The following CBR4 variants were observed in gnomAD, a reference collection of about 807,000 sequenced individuals.
CBR4 encodes the protein 3-oxoacyl-[acyl-carrier-protein] reductase.
A neutral mutation model predicts 21.0 loss-of-function variants in CBR4; 22 were observed. The ratio of observed to expected loss-of-function variants is 1.05; its 90% CI spans 0.75 to 1.50. The LOEUF (loss-of-function observed/expected upper bound fraction) is 1.50. CBR4 is among the 40% of genes most tolerant of loss of function. The pLI, the probability that CBR4 is intolerant of heterozygous loss-of-function variation, is 0.00. For synonymous variants in CBR4, 100 were observed against 104.4 expected (o/e 0.96, Z 0.26); for missense variants, 302 against 286.3 (o/e 1.05, Z -0.40).
intron 2 of CBR4, among the ~76,000 whole-genome samples, chr4:168,940,470 C>G (rs1373293882): frequency 6.6e-6 from 1 of 152,098 alleles, no homozygotes; most frequent in African/African-American, 2.4e-5. Flanking sequence ...AGCTTCTGCA[C>G]AGCAAAATAA....
intron 2 of CBR4, among the ~76,000 whole-genome samples, chr4:168,977,230 A>G (rs1208269725): frequency 2.6e-5 from 4 of 152,198 alleles, no homozygotes; most frequent in Non-Finnish European, 5.9e-5. Context: ...CCACAAAAAC[A>G]ATTCTTATTG....
At chr4:168,972,770 TTTCTC>T (rs909897875) in intron 2 of CBR4, among the ~76,000 whole-genome samples, 38 of 152,348 alleles carry the variant, frequency 2.5e-4, no homozygotes, top group African/African-American at 8.4e-4. Context: ...ATGCCCTTTC[TTTCTC>T]TTGTCTGATT....
intron 1 of CBR4, among the ~76,000 whole-genome samples, chr4:169,009,467 A>C (rs1731208034): frequency 6.6e-6 from 1 of 152,252 alleles, no homozygotes; most frequent in African/African-American, 2.4e-5. Flanking sequence ...CGCAGGGCCA[A>C]GGCACGGCCC....
At chr4:168,981,154 C>T (rs911640342) in intron 2 of CBR4, among the ~76,000 whole-genome samples, 1 of 152,118 alleles carries the variant, frequency 6.6e-6, no homozygotes, top group South Asian at 2.1e-4. Flanking sequence ...AATCCCAGCA[C>T]TTTGGGAGGC....
chr4:168,896,028 G>A (rs1232256409), intron 2 of CBR4, among the ~76,000 whole-genome samples: 1 of 152,182 alleles, frequency 6.6e-6, no homozygotes, highest in African/African-American at 2.4e-5. Flanking sequence ...TGACCAACAT[G>A]GTGAAACCCC....
chr4:168,947,435 A>T (rs1763423019), intron 2 of CBR4, among the ~76,000 whole-genome samples: 1 of 152,082 alleles, frequency 6.6e-6, no homozygotes, highest in Admixed American at 6.6e-5. Context: ...GTGTTTGGTT[A>T]CATGAGTAAG....
At chr4:168,923,414 C>G (rs1761970404) in intron 2 of CBR4, among the ~76,000 whole-genome samples, 1 of 152,196 alleles carries the variant, frequency 6.6e-6, no homozygotes, top group Admixed American at 6.5e-5. Flanking sequence ...GGAATGCATT[C>G]TCAGATTCAT....
chr4:168,927,973 A>AAAAT (rs1182323286), intron 2 of CBR4: 15 of 196,114 alleles, frequency 7.6e-5, no homozygotes, highest in East Asian at 4.8e-4. Context: ...AGTATTTTTT[A>AAAAT]AAATAATTTT....
chr4:168,931,858 C>G (rs529806898), intron 2 of CBR4, among the ~76,000 whole-genome samples: 1 of 152,122 alleles, frequency 6.6e-6, no homozygotes. Flanking sequence ...AGAATCTGCA[C>G]AGACACTACA....
chr4:169,004,060 C>T (rs1459052479), intron 3 of CBR4, among the ~76,000 whole-genome samples: 2 of 152,076 alleles, frequency 1.3e-5, no homozygotes, highest in East Asian at 1.9e-4. Flanking sequence ...CTAACCTGCA[C>T]ATTGTGCACG....
At chr4:169,000,466 A>G (rs571587605) in intron 4 of CBR4, among the ~76,000 whole-genome samples, 2 of 152,310 alleles carry the variant, frequency 1.3e-5, no homozygotes, top group African/African-American at 4.8e-5. Flanking sequence ...AATCCCTGAT[A>G]CCTGCTGGCT....
At chr4:168,986,536 G>A (rs1376894789), downstream of CBR4, among the ~76,000 whole-genome samples, 1 of 152,122 alleles carries the variant, frequency 6.6e-6, no homozygotes, top group East Asian at 1.9e-4. Flanking sequence ...GAAACTTCGA[G>A]TTCGGTTTTT....
At chr4:168,941,024 C>G (rs977728202) in intron 2 of CBR4, among the ~76,000 whole-genome samples, 1 of 152,120 alleles carries the variant, frequency 6.6e-6, no homozygotes, top group Admixed American at 6.6e-5. Context: ...GACTAGGAAC[C>G]AACCCAAATG....
intron 2 of CBR4, chr4:168,913,799 A>G (rs1759546254): frequency 2.7e-6 from 2 of 731,726 alleles, no homozygotes; most frequent in South Asian, 1.5e-5. Flanking sequence ...AGGGTTAGTC[A>G]TTACTCAAAT....
chr4:168,990,968 C>T (rs1385334063), intron 4 of CBR4, among the ~76,000 whole-genome samples: 1 of 151,938 alleles, frequency 6.6e-6, no homozygotes, highest in Non-Finnish European at 1.5e-5. Flanking sequence ...GCAGGAGAAT[C>T]GCTTGAACCT....
At chr4:168,960,037 C>G (rs1763801779) in intron 2 of CBR4, among the ~76,000 whole-genome samples, 2 of 152,020 alleles carry the variant, frequency 1.3e-5, no homozygotes, top group Admixed American at 1.3e-4. Context: ...TCAATATTAC[C>G]TAATTTTCAA....
At chr4:168,949,742 G>T (rs537168736) in intron 2 of CBR4, among the ~76,000 whole-genome samples, 61 of 152,094 alleles carry the variant, frequency 4.0e-4, no homozygotes, top group Non-Finnish European at 7.8e-4. Flanking sequence ...GAATCTGTCT[G>T]GTCCTGGACT....
chr4:168,936,117 C>A (rs567031337), intron 2 of CBR4, among the ~76,000 whole-genome samples: 1 of 152,186 alleles, frequency 6.6e-6, no homozygotes, highest in African/African-American at 2.4e-5. Context: ...CTGCAGCCTC[C>A]GCTGGTGATA....
intron 2 of CBR4, among the ~76,000 whole-genome samples, chr4:168,967,678 TA>T (rs1460832228): frequency 6.6e-6 from 1 of 152,136 alleles, no homozygotes; most frequent in African/African-American, 2.4e-5. Context: ...TGCAGCACAC[TA>T]AAAGCCATTC....
Sources: allele counts gnomAD v4.1 joint callset (sites outside exome capture counted in the v4.1 genomes callset), GRCh38; gene constraint gnomAD v4.1.1; transcripts MANE v1.5; gene names NCBI Gene and HGNC (gene_info 2026-07-23, HGNC 2026-07-21).